SH3D19: variants seen among roughly 807,000 people sequenced by gnomAD.
SH3D19 encodes the protein SH3 domain containing 19.
A neutral mutation model predicts 112.1 loss-of-function variants in SH3D19; 58 were observed. The observed-to-expected ratio is 0.52, with a 90% CI of 0.42 to 0.64. SH3D19 has a LOEUF of 0.64. Among genes scored for constraint, SH3D19 ranks in the 30% least tolerant of loss-of-function variants. The pLI is 0.00. For synonymous variants in SH3D19, 391 were observed against 448.5 expected, an observed-to-expected ratio of 0.87 and a Z score of 1.62; for missense variants, 1,090 against 1,263.4, an observed-to-expected ratio of 0.86 and a Z score of 2.08.
chr4:151,127,086 AT>A (rs1387506217), intron 19 of SH3D19, among the ~76,000 whole-genome samples: 4 of 151,414 alleles, frequency 2.6e-5, no homozygotes, highest in Non-Finnish European at 4.4e-5. Context: ...ATTTTTTTGT[AT>A]TTTTTAGTAG....
intron 1 of SH3D19, among the ~76,000 whole-genome samples, chr4:151,270,672 C>T (rs1187433034): frequency 6.6e-6 from 1 of 152,194 alleles, no homozygotes; most frequent in African/African-American, 2.4e-5. Context: ...CATTGCCCTA[C>T]AGCTCTAATG....
intron 9 of SH3D19, among the ~76,000 whole-genome samples, chr4:151,151,444 G>A (rs1214954472): frequency 1.3e-5 from 2 of 151,702 alleles, no homozygotes; most frequent in Non-Finnish European, 2.9e-5. Context: ...AAATCTTTGG[G>A]CTACTTCAGA....
chr4:151,214,419 C>T (rs1380515124), intron 2 of SH3D19, among the ~76,000 whole-genome samples: 2 of 13,842 alleles, frequency 1.4e-4, no homozygotes, highest in African/African-American at 1.9e-4. Context: ...CGGGCAGAGG[C>T]GCCCCTCACC....
At chr4:151,211,799 G>T (rs1214788644) in intron 2 of SH3D19, among the ~76,000 whole-genome samples, 1 of 152,176 alleles carries the variant, frequency 6.6e-6, no homozygotes, top group Non-Finnish European at 1.5e-5. Flanking sequence ...TAAGGAAACT[G>T]CAAACTGCAC....
intron 2 of SH3D19, among the ~76,000 whole-genome samples, chr4:151,195,384 AAAAAAAAAAAAAAGAAAAAG>A (rs1561320874): frequency 6.9e-6 from 1 of 145,918 alleles, no homozygotes; most frequent in African/African-American, 2.7e-5. Flanking sequence ...AAAAAAAAAA[AAAAAAAAAAAAAAGAAAAAG>A]AAAAAAAGAG....
intron 9 of SH3D19, among the ~76,000 whole-genome samples, chr4:151,152,947 T>G (rs1010980414): frequency 4.0e-5 from 6 of 151,376 alleles, no homozygotes; most frequent in Non-Finnish European, 8.8e-5. Flanking sequence ...GCAATTCTCT[T>G]GCCTCAGCCT....
chr4:151,154,477 A>T lies in SH3D19; in HGVS notation c.1755+4763T>A, dbSNP rs1295472865. 4.1e-5 allele frequency among the ~76,000 whole-genome samples: 6 copies of T among 147,668 alleles called. No individual in the cohort carries two copies. The East Asian group carries it at 8.1e-4, about 20-fold the overall frequency. On this transcript the variant is annotated intron_variant, in intron 9 of 19. Transcript: ENST00000604030. ...GTATTTTTAGTAGAGATGGGGTTTC[A>T]CCATGTTGGCCAGGCTGGTCTTGAA...
intron 1 of SH3D19, among the ~76,000 whole-genome samples, chr4:151,299,806 A>T (rs1322978950): frequency 1.3e-5 from 2 of 152,200 alleles, no homozygotes; most frequent in Admixed American, 6.5e-5. Flanking sequence ...TAAGTGTCAT[A>T]CAAGGAAAAA....
At chr4:151,157,331 A>C (rs1756310044) in intron 9 of SH3D19, among the ~76,000 whole-genome samples, 2 of 152,154 alleles carry the variant, frequency 1.3e-5, no homozygotes. Flanking sequence ...AAATACATTA[A>C]AAAATGCTCA....
At chr4:151,136,517 T>C (rs895736583) in intron 14 of SH3D19, among the ~76,000 whole-genome samples, 1 of 152,208 alleles carries the variant, frequency 6.6e-6, no homozygotes, top group Non-Finnish European at 1.5e-5. Flanking sequence ...AATAAAATAT[T>C]TGGCTATAAT....
intron 2 of SH3D19, among the ~76,000 whole-genome samples, chr4:151,210,966 A>G (rs2149906674): frequency 6.6e-6 from 1 of 152,200 alleles, no homozygotes; most frequent in African/African-American, 2.4e-5. Context: ...GCAACCTCCC[A>G]GGCTTAACCC....
At position 151,143,897 on chromosome 4, in the gene SH3D19, A is replaced by ATTAAT; in HGVS notation, c.2223+8_2223+12dup. 4 of 1,608,878 alleles carry ATTAAT rather than the reference A, an allele frequency of 2.5e-6. No individual in the cohort carries two copies. Among genetic ancestry groups the ATTAAT allele is most frequent in the Non-Finnish European group, 3.4e-6 (4 of 1,177,726 alleles). ...TGTGTGATATGAGGGCTGTAACAAT[A>ATTAAT]TTAATTCCTTACGTTTGGTCTGCTT... On this transcript the variant is annotated intron_variant, in intron 12 of 19. Transcript: ENST00000604030.
chr4:151,301,511 G>A (rs574167075), intron 1 of SH3D19, among the ~76,000 whole-genome samples: 3 of 152,292 alleles, frequency 2.0e-5, no homozygotes, highest in South Asian at 2.1e-4. Context: ...ACAAGCGTGA[G>A]CCACCGCGCC....
At chr4:151,305,716 C>T (rs1218094934) in intron 1 of SH3D19, among the ~76,000 whole-genome samples, 1 of 152,242 alleles carries the variant, frequency 6.6e-6, no homozygotes, top group Non-Finnish European at 1.5e-5. Context: ...AACTCTCATA[C>T]ATTGCTGGTG....
intron 2 of SH3D19, among the ~76,000 whole-genome samples, chr4:151,217,497 G>A (rs1174736065): frequency 6.6e-6 from 1 of 152,150 alleles, no homozygotes; most frequent in Non-Finnish European, 1.5e-5. Context: ...CCTGTGCTGG[G>A]TGACATTTCA....
At chr4:151,135,223 G>T in intron 14 of SH3D19, 91 bp from the exon 15 acceptor site, 1 of 1,006,646 alleles carries the variant, frequency 9.9e-7, no homozygotes, top group Non-Finnish European at 1.5e-6. Flanking sequence ...GTACATGACT[G>T]AAATCGATCG....
chr4:151,315,744 G>T (rs1335878903), intron 1 of SH3D19, among the ~76,000 whole-genome samples: 3 of 151,966 alleles, frequency 2.0e-5, no homozygotes, highest in Non-Finnish European at 2.9e-5. Flanking sequence ...TCGAGCCCAG[G>T]AGTCTGAGTA....
At chr4:151,312,276 T>C (rs528062028) in intron 1 of SH3D19, among the ~76,000 whole-genome samples, 2 of 152,336 alleles carry the variant, frequency 1.3e-5, no homozygotes, top group East Asian at 3.9e-4. Flanking sequence ...CATGAATTAC[T>C]TAAGATGGAA....
chr4:151,316,250 C>T (rs1047992666), intron 1 of SH3D19, among the ~76,000 whole-genome samples: 2 of 152,100 alleles, frequency 1.3e-5, no homozygotes, highest in African/African-American at 2.4e-5. Context: ...AAAAATGTGA[C>T]CAGTACTCTT....
Sources: gnomAD v4.1 joint callset for allele counts (sites outside exome capture counted in the v4.1 genomes callset) on GRCh38, gnomAD v4.1.1 for gene constraint, MANE v1.5 for transcripts, NCBI Gene and HGNC (gene_info 2026-07-23, HGNC 2026-07-21) for gene names.